ROGDI: variants seen among roughly 807,000 people sequenced by gnomAD.
The protein encoded by ROGDI is rogdi atypical leucine zipper.
A neutral mutation model predicts 43.1 loss-of-function variants in ROGDI; 46 were observed. That is an observed-to-expected ratio of 1.07 (90% CI 0.84 to 1.37). The LOEUF (loss-of-function observed/expected upper bound fraction) is 1.37. ROGDI is among the 40% of genes most tolerant of loss of function. ROGDI has a pLI of 0.00. For missense variants in ROGDI, 518 were observed against 383.9 expected (o/e 1.35, Z -2.92); for synonymous variants, 243 against 162.0 (o/e 1.50, Z -3.80).
chr16:4,800,402 G>A (rs2082700374), intron 5 of ROGDI, 96 bp downstream of exon 5: 3 of 978,438 alleles, frequency 3.1e-6, no homozygotes, highest in East Asian at 2.6e-5. Flanking sequence ...TGTGGCCACA[G>A]ATCCCCAGGG....
In ROGDI at chr16:4,801,580, G is replaced by C; in HGVS notation, c.123C>G (p.Ala41=). ...AGCCCGGCAGAGTGAAGCGCAGAGAGGCCTCCTGTGGAACAGAGGGAAGGA... is the reference window on the plus strand; with the variant it reads ...AGCCCGGCAGAGTGAAGCGCAGAGACGCCTCCTGTGGAACAGAGGGAAGGA... ...LKQLQDILKE[A]SLRFTLPGSG... Residue 41 remains alanine, a synonymous_variant, in exon 3 of 11, where the codon GCC becomes GCG. Coordinates refer to ENST00000322048, the MANE Select transcript of ROGDI (RefSeq NM_024589.3). 1 of 1,597,008 alleles carries C rather than the reference G, an allele frequency of 6.3e-7. No individual in the cohort carries two copies. Among genetic ancestry groups the C allele is most frequent in the African/African-American group, 1.3e-5 (1 of 74,868 alleles).
chr16:4,800,686 C>T, intron 4 of ROGDI, 108 bp from the exon 5 acceptor site: 1 of 913,368 alleles, frequency 1.1e-6, no homozygotes, highest in Non-Finnish European at 1.7e-6. Flanking sequence ...TGGTTCAGGC[C>T]TTGGCCGCTG....
Position 4,800,586 on chromosome 16 carries a change from G to A in ROGDI, c.256-8C>T, listed in dbSNP as rs1459080627. On this transcript the variant is annotated splice_polypyrimidine_tract_variant and splice_region_variant and intron_variant, in intron 4 of 10. Coordinates refer to ENST00000322048, the MANE Select transcript of ROGDI (RefSeq NM_024589.3). Reference sequence around the variant, plus strand: ...CATCTTCAGGTTCACATCCTGACAGGCAAGAGTGGGGTGAGCTGGGCAGTG... The same window carrying A: ...CATCTTCAGGTTCACATCCTGACAGACAAGAGTGGGGTGAGCTGGGCAGTG... The A allele has an allele frequency of 1.3e-6, 2 of 1,560,644 alleles. No homozygotes were observed. Among genetic ancestry groups the A allele is most frequent in the Non-Finnish European group, 1.7e-6 (2 of 1,151,348 alleles).
intron 2 of ROGDI, 173 bp downstream of exon 2, chr16:4,802,209 C>G (rs989440443): frequency 1.5e-6 from 1 of 683,622 alleles, no homozygotes; most frequent in Admixed American, 2.2e-5. Flanking sequence ...TGCCCGCACA[C>G]AGGTACTTAT....
At chr16:4,797,619 G>A (rs1199610995) in intron 10 of ROGDI, 95 bp downstream of exon 10, 1 of 1,600,990 alleles carries the variant, frequency 6.2e-7, no homozygotes, top group Non-Finnish European at 8.5e-7. Context: ...GCAGTGCTGT[G>A]GGGTACACCA....
rs866344153 is a variant in ROGDI, at chr16:4,798,658, C to T, written c.442G>A (p.Ala148Thr). The change falls in exon 7 of 11, where the codon GCA becomes ACA. Residue 148 changes from alanine to threonine, a missense_variant. Physicochemically the swap from Ala to Thr is moderately conservative, Grantham distance 58. Coordinates refer to ENST00000322048, the MANE Select transcript of ROGDI (RefSeq NM_024589.3). ...TGAEVLKLMD[A>T]VMLQLTRARN... Reference sequence around the variant, plus strand: ...GCTCTGGTCAGCTGCAGCATCACTGCGTCCATCAGCTGCAGGGAGAGGCGG... The same window carrying T: ...GCTCTGGTCAGCTGCAGCATCACTGTGTCCATCAGCTGCAGGGAGAGGCGG... 1.2e-5 allele frequency: 19 copies of T among 1,564,962 alleles called. No individual in the cohort carries two copies. Among genetic ancestry groups the T allele is most frequent in the Non-Finnish European group, 9.5e-6 (11 of 1,158,020 alleles).
rs929049648 is a variant in ROGDI at position 4,797,412 on chromosome 16, G to A, written c.*48C>T. ...GGCTGGTGCTCTGTGGTGGGTATGAGTAGGGGACGGGGCCGCCTTCCTGGA... is the reference window on the plus strand; with the variant it reads ...GGCTGGTGCTCTGTGGTGGGTATGAATAGGGGACGGGGCCGCCTTCCTGGA... On this transcript the variant is annotated 3_prime_UTR_variant, in exon 11 of 11. Transcript: ENST00000322048. 6.3e-7 allele frequency: 1 copy of A among 1,577,132 alleles called. No homozygotes were observed. The highest frequency in any genetic ancestry group is 8.7e-7 in the Non-Finnish European group (1 of 1,155,014).
At chr16:4,799,811 C>G (rs368094591) in intron 5 of ROGDI, 30 bp from the exon 6 acceptor site, 1 of 1,534,982 alleles carries the variant, frequency 6.5e-7, no homozygotes, top group Non-Finnish European at 9.0e-7. Context: ...AGAGGGGTCA[C>G]GCCAGCTTCC....
At chr16:4,799,929 G>A in intron 5 of ROGDI, 148 bp from the exon 6 acceptor site, 1 of 622,876 alleles carries the variant, frequency 1.6e-6, no homozygotes, top group Middle Eastern at 3.0e-4. Context: ...CAGGTGATGG[G>A]CATCTGGCAT....
At chr16:4,801,759 C>G (rs764407761) in intron 2 of ROGDI, 174 bp from the exon 3 acceptor site, 3 of 622,198 alleles carry the variant, frequency 4.8e-6, no homozygotes, top group Non-Finnish European at 8.6e-6. Context: ...GGGCACCTAA[C>G]CGTGAGCCCG....
chr16:4,802,279 C>T, intron 2 of ROGDI, 103 bp downstream of exon 2: 5 of 1,103,446 alleles, frequency 4.5e-6, no homozygotes, highest in Non-Finnish European at 6.5e-6. Context: ...GCGGCAGCCG[C>T]ACACTGTAGG....
intron 6 of ROGDI, 97 bp from the exon 7 acceptor site, chr16:4,798,764 G>A: frequency 9.6e-7 from 1 of 1,037,866 alleles, no homozygotes. Flanking sequence ...CAGCCCAGTG[G>A]CTACTGTTCC....
chr16:4,799,056 G>C (rs376043681), intron 6 of ROGDI, among the ~76,000 whole-genome samples: 5 of 151,864 alleles, frequency 3.3e-5, no homozygotes, highest in Admixed American at 6.5e-5. Context: ...GAGGTTTTCA[G>C]GGGGGTAAGC....
chr16:4,797,378 G>A lies in ROGDI; in HGVS notation c.*82C>T, dbSNP rs769581748. The A allele has an allele frequency of 2.4e-5, 31 of 1,301,448 alleles. 1 individual carries two copies. The highest frequency in any genetic ancestry group is 1.5e-4 in the African/African-American group (10 of 68,310). The allele number at this position is 1,301,448 out of a possible 1,614,324, so 80.6% of individuals were successfully genotyped here. On this transcript the variant is annotated 3_prime_UTR_variant, in exon 11 of 11. Coordinates refer to ENST00000322048, the MANE Select transcript of ROGDI (RefSeq NM_024589.3). Reference sequence around the variant, plus strand: ...ATAGGGAGATAAATAGCAGCCTGGCGTTGGCACTGGCTGGTGCTCTGTGGT... The same window carrying A: ...ATAGGGAGATAAATAGCAGCCTGGCATTGGCACTGGCTGGTGCTCTGTGGT...
chr16:4,802,421 C>G lies in ROGDI; in HGVS notation c.78G>C (p.Glu26Asp), dbSNP rs145718534. The change falls in exon 2 of 11, where the codon GAG (glutamate) becomes GAC (aspartate). Residue 26 changes from glutamate (E) to aspartate (D), a missense_variant. Transcript: ENST00000322048. ...EEEFRWLLHD[E>D]VHAVLKQLQD... The stretch of plus-strand genomic sequence containing the variant: ...GCAGCTGCTTCAACACAGCGTGCAC[C>G]TCGTCGTGCAGCAGCCAGCGGAACT... 5 of 1,519,912 alleles carry G rather than the reference C, an allele frequency of 3.3e-6. No individual in the cohort carries two copies. Among genetic ancestry groups the G allele is most frequent in the Non-Finnish European group, 3.5e-6 (4 of 1,139,760 alleles). The allele number at this position is 1,519,912 out of a possible 1,614,324, so 94.2% of individuals were successfully genotyped here. A position where few individuals can be genotyped will look rare whatever the true frequency, so the allele number is the denominator to read the frequency against.
In ROGDI at chr16:4,802,469, G is replaced by T; in HGVS notation, c.46-16C>A. The T allele has an allele frequency of 8.0e-7, 1 of 1,253,696 alleles. No homozygotes were observed. The highest frequency in any genetic ancestry group is 1.0e-6 in the Non-Finnish European group (1 of 1,001,984). 77.7% of individuals were successfully genotyped at this position (1,253,696 alleles called of 1,614,324 possible). ...ACTCCTCCTCCTGCGGGACAGACCC[G>T]GCGGTCGCGCCCGGCCCCGCCGCCC... On this transcript the variant is annotated splice_polypyrimidine_tract_variant and intron_variant, in intron 1 of 10. Coordinates refer to ENST00000322048, the MANE Select transcript of ROGDI (RefSeq NM_024589.3).
intron 5 of ROGDI, among the ~76,000 whole-genome samples, 171 bp downstream of exon 5, chr16:4,800,327 C>G (rs1453716522): frequency 1.3e-5 from 2 of 152,216 alleles, no homozygotes; most frequent in East Asian, 3.9e-4. Context: ...CATGGCGCAG[C>G]CTCCAGGGCT....
Position 4,798,001 on chromosome 16 carries a change from C to A in ROGDI, c.646-14G>T. 1.2e-6 allele frequency: 2 copies of A among 1,612,894 alleles called. No individual in the cohort carries two copies. Among genetic ancestry groups the A allele is most frequent in the Non-Finnish European group, 1.7e-6 (2 of 1,179,432 alleles). ...TGGGCGGAAGTTCTAGGGAGAACAG[C>A]ACCAGACCCGTCAGGCCTTGCAGGG... On this transcript the variant is annotated splice_polypyrimidine_tract_variant and intron_variant, in intron 8 of 10. Transcript: ENST00000322048.
Position 4,802,516 on chromosome 16 carries a change from G to T in ROGDI, c.45+11C>A. 8.2e-7 allele frequency: 1 copy of T among 1,218,322 alleles called. No individual in the cohort carries two copies. The highest frequency in any genetic ancestry group is 1.0e-6 in the Non-Finnish European group (1 of 980,976). 75.5% of individuals were successfully genotyped at this position (1,218,322 alleles called of 1,614,324 possible). ...GCCCCGCCGGCCCGCCCGCTGGCCC[G>T]CGCGCCTTACCAGCACCGCCCGCTC... is the stretch of plus-strand genomic sequence containing the variant. On this transcript the variant is annotated intron_variant, in intron 1 of 10. Transcript: ENST00000322048.
Sources: allele counts gnomAD v4.1 joint callset (sites outside exome capture counted in the v4.1 genomes callset), GRCh38; gene constraint gnomAD v4.1.1; transcripts MANE v1.5; gene names NCBI Gene and HGNC (gene_info 2026-07-23, HGNC 2026-07-21).